GLI3: variants seen among roughly 807,000 people sequenced by gnomAD.
GLI3 encodes the protein transcription activator GLI3.
A neutral mutation model predicts 100.8 loss-of-function variants in GLI3; 20 were observed. The observed-to-expected ratio is 0.20, with a 90% CI of 0.14 to 0.29. The LOEUF (loss-of-function observed/expected upper bound fraction) is 0.29, where lower values mean the gene tolerates loss of function less well. GLI3 is among the 10% of genes least tolerant of loss of function. The pLI is 1.00. For missense variants in GLI3, 2,040 were observed against 2,128.5 expected (o/e 0.96, Z 0.82); for synonymous variants, 938 against 860.5 (o/e 1.09, Z -1.58).
intron 7 of GLI3, among the ~76,000 whole-genome samples, chr7:42,037,402 T>A (rs1784035373): frequency 6.6e-6 from 1 of 152,144 alleles, no homozygotes; most frequent in Non-Finnish European, 1.5e-5. Context: ...AGTTTTTAGA[T>A]CTCAGAAAAT....
chr7:42,049,764 T>C, intron 4 of GLI3, among the ~76,000 whole-genome samples: 1 of 152,248 alleles, frequency 6.6e-6, no homozygotes, highest in East Asian at 1.9e-4. Context: ...CGGAAAACAT[T>C]TGGCATGGAT....
intron 1 of GLI3, among the ~76,000 whole-genome samples, chr7:42,256,197 G>A (rs191302711): frequency 1.9e-4 from 29 of 152,036 alleles, no homozygotes; most frequent in Admixed American, 1.6e-3. Flanking sequence ...CCAGACACAA[G>A]TAATTTATAA....
intron 3 of GLI3, among the ~76,000 whole-genome samples, chr7:42,147,421 T>C (rs530434026): frequency 1.3e-5 from 2 of 152,300 alleles, no homozygotes; most frequent in African/African-American, 4.8e-5. Flanking sequence ...GAAGGTTAAA[T>C]GGCAAGTCTG....
At chr7:42,247,001 C>T (rs1265605295) in intron 1 of GLI3, among the ~76,000 whole-genome samples, 2 of 151,712 alleles carry the variant, frequency 1.3e-5, no homozygotes, top group African/African-American at 2.4e-5. Flanking sequence ...TCCATTAAGC[C>T]GGTTGTACAG....
intron 3 of GLI3, among the ~76,000 whole-genome samples, chr7:42,134,377 A>G (rs1300394445): frequency 6.6e-6 from 1 of 152,240 alleles, no homozygotes; most frequent in Non-Finnish European, 1.5e-5. Context: ...TCCTAGAATC[A>G]GTTCCCTGTT....
Position 41,972,193 on chromosome 7 carries a change from A to C in GLI3, c.2103+144T>G. On this transcript the variant is annotated intron_variant, in intron 13 of 14. Coordinates refer to ENST00000395925, the MANE Select transcript of GLI3 (RefSeq NM_000168.6). The surrounding 1 kb of genome is among the most constrained non-coding windows in gnomAD (Gnocchi z 4.4). ...CTGAGCTGATCGACTTCACGTAAGCAATACGGGTCACTGCCCTCATCGCCT... is the reference window on the plus strand; with the variant it reads ...CTGAGCTGATCGACTTCACGTAAGCCATACGGGTCACTGCCCTCATCGCCT... The C allele has an allele frequency of 1.2e-6, 1 of 804,742 alleles. No homozygotes were observed. Among genetic ancestry groups the C allele is most frequent in the Non-Finnish European group, 2.2e-6 (1 of 457,576 alleles). The allele number at this position is 804,742 out of a possible 1,614,324, so 49.9% of individuals were successfully genotyped here.
chr7:42,110,909 G>A (rs948333062), intron 3 of GLI3, among the ~76,000 whole-genome samples: 6 of 152,180 alleles, frequency 3.9e-5, no homozygotes, highest in African/African-American at 1.4e-4. Context: ...GGTGGCACAT[G>A]AGCCTGTGGT....
intron 6 of GLI3, 147 bp from the exon 7 acceptor site, chr7:42,040,386 T>C (rs927744935): frequency 1.2e-5 from 8 of 694,096 alleles, no homozygotes; most frequent in Non-Finnish European, 1.6e-5. Flanking sequence ...TGTGATCTAC[T>C]AGCTACAGTT....
At chr7:42,023,650 A>T in intron 9 of GLI3, 42 bp from the exon 10 acceptor site, 5 of 1,576,510 alleles carry the variant, frequency 3.2e-6, no homozygotes, top group Non-Finnish European at 4.4e-6. Context: ...AGAAGGGGGA[A>T]GAATCAGACA....
intron 1 of GLI3, among the ~76,000 whole-genome samples, chr7:42,258,570 C>T (rs1417301482): frequency 6.6e-6 from 1 of 152,144 alleles, no homozygotes; most frequent in African/African-American, 2.4e-5. Flanking sequence ...ATTTGGGCTA[C>T]AATAACAAAA....
intron 3 of GLI3, among the ~76,000 whole-genome samples, chr7:42,116,231 T>A (rs189392687): frequency 1.3e-5 from 2 of 152,266 alleles, no homozygotes; most frequent in East Asian, 3.9e-4. Flanking sequence ...TACAGCTCCC[T>A]ATTTAAGTGC....
intron 3 of GLI3, 87 bp downstream of exon 3, chr7:42,148,139 A>ACG (rs1000073401): frequency 6.6e-6 from 1 of 152,044 alleles, no homozygotes; most frequent in Admixed American, 1.2e-4. Flanking sequence ...AAGCGCGCAC[A>ACG]CACACACACA....
At chr7:42,181,437 T>TA (rs1039151975) in intron 2 of GLI3, among the ~76,000 whole-genome samples, 1 of 151,460 alleles carries the variant, frequency 6.6e-6, no homozygotes, top group Non-Finnish European at 1.5e-5. Context: ...CCTGTCTCTA[T>TA]AAAAAAATCC....
At chr7:42,095,356 C>T (rs1275436775) in intron 3 of GLI3, among the ~76,000 whole-genome samples, 1 of 152,162 alleles carries the variant, frequency 6.6e-6, no homozygotes, top group Non-Finnish European at 1.5e-5. Context: ...GGCTCCTACA[C>T]CATGCAAGAG....
At chr7:42,221,918 G>T (rs1290223454) in intron 2 of GLI3, among the ~76,000 whole-genome samples, 1 of 152,156 alleles carries the variant, frequency 6.6e-6, no homozygotes, top group Non-Finnish European at 1.5e-5. Context: ...TTTTAACTCA[G>T]ACGTAAATAT....
At chr7:42,237,546 C>A (rs1189348779), upstream of GLI3, among the ~76,000 whole-genome samples, 1 of 151,724 alleles carries the variant, frequency 6.6e-6, no homozygotes, top group African/African-American at 2.4e-5. Context: ...CCCGCGCGCT[C>A]CCTCCTTCCC....
At chr7:41,969,033 C>G (rs74793968) in intron 13 of GLI3, among the ~76,000 whole-genome samples, 10,232 of 152,166 alleles carry the variant, frequency 0.067, 1,124 homozygotes, top group African/African-American at 0.23. Context: ...TTCAGGGTGC[C>G]CAATATCTGG....
At chr7:42,182,679 TATAC>T (rs1328726263) in intron 2 of GLI3, among the ~76,000 whole-genome samples, 1,358 of 59,176 alleles carry the variant, frequency 0.023, 47 homozygotes, top group Non-Finnish European at 0.031. Context: ...TATATATATA[TATAC>T]ACATGTGTGT....
intron 1 of GLI3, among the ~76,000 whole-genome samples, chr7:42,254,558 C>A (rs142538228): frequency 2.5e-4 from 38 of 152,278 alleles, no homozygotes; most frequent in Non-Finnish European, 5.1e-4. Flanking sequence ...ATTATATGGC[C>A]TACATAGCCT....
Sources: gnomAD v4.1 joint callset for allele counts (sites outside exome capture counted in the v4.1 genomes callset) on GRCh38, gnomAD v4.1.1 for gene constraint, Gnocchi (gnomAD v3.1) non-coding constraint, MANE v1.5 for transcripts, NCBI Gene and HGNC (gene_info 2026-07-23, HGNC 2026-07-21) for gene names.